The following SYNDIG1 variants were observed in gnomAD, a reference collection of about 807,000 sequenced individuals.
The protein encoded by SYNDIG1 is synapse differentiation inducing 1, also known as synapse differentiation-inducing gene protein 1.
In SYNDIG1, 9 loss-of-function variants were observed where a neutral mutation model predicts 19.4. The ratio of observed to expected loss-of-function variants is 0.46; its 90% CI spans 0.28 to 0.81. The LOEUF (loss-of-function observed/expected upper bound fraction) is 0.81. SYNDIG1 is among the 30% of genes least tolerant of loss of function. The pLI, the probability that SYNDIG1 is intolerant of heterozygous loss-of-function variation, is 0.12. For missense variants in SYNDIG1, 311 were observed against 343.3 expected (o/e 0.91, Z 0.74); for synonymous variants, 141 against 145.9 (o/e 0.97, Z 0.24).
At chr20:24,599,444 A>G (rs1158034603) in intron 3 of SYNDIG1, among the ~76,000 whole-genome samples, 1 of 152,244 alleles carries the variant, frequency 6.6e-6, no homozygotes, top group Non-Finnish European at 1.5e-5. Flanking sequence ...CAAAAAATTA[A>G]AAATAGAATA....
At chr20:24,502,231 C>T (rs1050046692) in intron 1 of SYNDIG1, 3 of 152,394 alleles carry the variant, frequency 2.0e-5, no homozygotes, top group Non-Finnish European at 2.9e-5. Flanking sequence ...ATCCTCGTCG[C>T]AGGGCCAGCT....
chr20:24,602,621 C>T (rs933880454), intron 3 of SYNDIG1, among the ~76,000 whole-genome samples: 1 of 152,214 alleles, frequency 6.6e-6, no homozygotes, highest in African/African-American at 2.4e-5. Context: ...GAATATGTGT[C>T]CTCATATGCC....
chr20:24,607,412 C>T (rs891114574), intron 3 of SYNDIG1, among the ~76,000 whole-genome samples: 3 of 151,684 alleles, frequency 2.0e-5, no homozygotes, highest in Admixed American at 6.6e-5. Flanking sequence ...CCACCTCGTT[C>T]GGGCTGATGA....
chr20:24,532,466 A>G (rs1421262349), intron 1 of SYNDIG1, among the ~76,000 whole-genome samples: 1 of 152,190 alleles, frequency 6.6e-6, no homozygotes, highest in East Asian at 1.9e-4. Context: ...GGGGAAAGGA[A>G]CCACATCATG....
At chr20:24,480,156 G>A (rs566838018) in intron 1 of SYNDIG1, among the ~76,000 whole-genome samples, 13 of 152,250 alleles carry the variant, frequency 8.5e-5, no homozygotes, top group Non-Finnish European at 1.6e-4. Flanking sequence ...TGGCATCCCC[G>A]CTTCTAGGTG....
chr20:24,543,233 C>T lies in SYNDIG1; in HGVS notation c.136C>T (p.Pro46Ser). The T allele has an allele frequency of 6.2e-7, 1 of 1,613,886 alleles. No individual in the cohort carries two copies. The highest frequency in any genetic ancestry group is 1.1e-5 in the South Asian group (1 of 91,078). Residue 46 changes from proline to serine, a missense_variant, in exon 2 of 4, where the codon CCC (proline) becomes TCC (serine). Physicochemically the swap from Pro to Ser is moderately conservative, Grantham distance 74 (BLOSUM62 -1). Transcript: ENST00000376862. ...RDGLVSVYPAPQYQSHRVGAS... is the reference protein window; with the variant it reads ...RDGLVSVYPASQYQSHRVGAS... ...TGGTCTGGTGTCTGTTTACCCAGCGCCCCAGTACCAGAGCCACCGGGTGGG... is the reference window on the plus strand; with the variant it reads ...TGGTCTGGTGTCTGTTTACCCAGCGTCCCAGTACCAGAGCCACCGGGTGGG...
intron 2 of SYNDIG1, among the ~76,000 whole-genome samples, chr20:24,554,383 A>G (rs2057768245): frequency 6.6e-6 from 1 of 152,200 alleles, no homozygotes; most frequent in African/African-American, 2.4e-5. Context: ...GTCTTGTGCC[A>G]GTTTTCAAAG....
Position 24,650,922 on chromosome 20 carries a change from G to A in SYNDIG1, c.619-14424G>A, listed in dbSNP as rs191664650. 9.9e-5 allele frequency among the ~76,000 whole-genome samples: 15 copies of A among 151,972 alleles called. No individual in the cohort carries two copies. The East Asian group carries it at 2.3e-3, about 24-fold the overall frequency. ...GCGATCTCGGCTCACTGCAACCCCC[G>A]CCTCCAGGGCTCAAGCAATTCTCCT... On this transcript the variant is annotated intron_variant, in intron 3 of 3. Transcript: ENST00000376862.
intron 2 of SYNDIG1, among the ~76,000 whole-genome samples, chr20:24,565,033 C>T (rs1401663170): frequency 6.6e-6 from 1 of 152,206 alleles, no homozygotes; most frequent in Non-Finnish European, 1.5e-5. Flanking sequence ...TGCTATTGTT[C>T]ACTGGTGTTC....
At chr20:24,518,870 C>T (rs2056944887) in intron 1 of SYNDIG1, among the ~76,000 whole-genome samples, 1 of 152,196 alleles carries the variant, frequency 6.6e-6, no homozygotes, top group Non-Finnish European at 1.5e-5. Context: ...CAACGAGGAC[C>T]ATCACCACCT....
intron 1 of SYNDIG1, among the ~76,000 whole-genome samples, chr20:24,515,421 TG>T (rs2056840924): frequency 6.6e-6 from 1 of 152,194 alleles, no homozygotes; most frequent in Non-Finnish European, 1.5e-5. Flanking sequence ...GATGACATGA[TG>T]GTATATTTAG....
intron 2 of SYNDIG1, among the ~76,000 whole-genome samples, chr20:24,558,398 A>G (rs2057869578): frequency 6.6e-6 from 1 of 152,168 alleles, no homozygotes; most frequent in Non-Finnish European, 1.5e-5. Context: ...TGTGTGATGT[A>G]TCTTTTCCTA....
At chr20:24,523,478 A>G (rs2057051295) in intron 1 of SYNDIG1, among the ~76,000 whole-genome samples, 1 of 152,188 alleles carries the variant, frequency 6.6e-6, no homozygotes, top group African/African-American at 2.4e-5. Context: ...TTAAATTACT[A>G]AACATTTATT....
At chr20:24,612,463 C>T (rs930936451) in intron 3 of SYNDIG1, among the ~76,000 whole-genome samples, 2 of 152,180 alleles carry the variant, frequency 1.3e-5, no homozygotes, top group East Asian at 1.9e-4. Flanking sequence ...TTATTCATGA[C>T]GTGGCATCCC....
At chr20:24,640,421 A>C (rs2059362327) in intron 3 of SYNDIG1, among the ~76,000 whole-genome samples, 2 of 149,868 alleles carry the variant, frequency 1.3e-5, no homozygotes, top group Admixed American at 1.3e-4. Flanking sequence ...AGAGGGAGAA[A>C]AAAGGAAGAA....
rs554130269 is a variant in SYNDIG1, at chr20:24,580,273, C to T, written c.481-4583C>T. 1.7e-4 allele frequency among the ~76,000 whole-genome samples: 26 copies of T among 152,282 alleles called. No homozygotes were observed. In the South Asian group the frequency reaches 3.1e-3, roughly 18 times the overall value. On this transcript the variant is annotated intron_variant, in intron 2 of 3. Coordinates refer to ENST00000376862, the MANE Select transcript of SYNDIG1 (RefSeq NM_024893.3). ...TGTGTGGCCTCTCCTAGGCCAGCCTCGTCTCCTCTCCTTCCTCGCGAGTGG... is the reference window on the plus strand; with the variant it reads ...TGTGTGGCCTCTCCTAGGCCAGCCTTGTCTCCTCTCCTTCCTCGCGAGTGG...
chr20:24,504,949 G>T (rs1389535360), intron 1 of SYNDIG1, among the ~76,000 whole-genome samples: 1 of 152,210 alleles, frequency 6.6e-6, no homozygotes, highest in Non-Finnish European at 1.5e-5. Flanking sequence ...TGGGTGAGAG[G>T]ATGGTAGCTT....
At chr20:24,578,743 G>T (rs937449017) in intron 2 of SYNDIG1, among the ~76,000 whole-genome samples, 1 of 152,218 alleles carries the variant, frequency 6.6e-6, no homozygotes. Context: ...GCAGCAGGGA[G>T]CTCCCTGCAG....
chr20:24,580,919 T>C (rs989610630), intron 2 of SYNDIG1, among the ~76,000 whole-genome samples: 11 of 152,186 alleles, frequency 7.2e-5, no homozygotes, highest in African/African-American at 2.7e-4. Context: ...TGCCTCCAAG[T>C]GCCTACGTGG....
Sources: gnomAD v4.1 joint callset for allele counts (sites outside exome capture counted in the v4.1 genomes callset) on GRCh38, gnomAD v4.1.1 for gene constraint, MANE v1.5 for transcripts, NCBI Gene and HGNC (gene_info 2026-07-23, HGNC 2026-07-21) for gene names.